MRPS9: variants seen among roughly 807,000 people sequenced by gnomAD.
The protein encoded by MRPS9 is small ribosomal subunit protein uS9m.
MRPS9 carries 45 observed loss-of-function variants against 59.9 expected under a neutral mutation model. The ratio of observed to expected loss-of-function variants is 0.75; its 90% CI spans 0.59 to 0.96. The LOEUF (loss-of-function observed/expected upper bound fraction) is 0.96, where lower values mean the gene tolerates loss of function less well. Among genes scored for constraint, MRPS9 ranks in the 40% least tolerant of loss-of-function variants. MRPS9 has a pLI of 0.00. For synonymous variants in MRPS9, 171 were observed against 166.8 expected (o/e 1.03, Z -0.19); for missense variants, 473 against 481.1 (o/e 0.98, Z 0.16).
At chr2:105,097,777 T>C (rs2104473051) in intron 10 of MRPS9, among the ~76,000 whole-genome samples, 1 of 152,350 alleles carries the variant, frequency 6.6e-6, no homozygotes, top group Admixed American at 6.5e-5. Flanking sequence ...CATAGCTAGC[T>C]GCAGCCTTAA....
At chr2:105,046,957 C>G (rs2104439655) in intron 1 of MRPS9, among the ~76,000 whole-genome samples, 1 of 151,988 alleles carries the variant, frequency 6.6e-6, no homozygotes, top group South Asian at 2.1e-4. Flanking sequence ...GCAACATTCT[C>G]CATTGCCCAA....
chr2:105,048,998 A>C (rs1486256242), intron 1 of MRPS9, among the ~76,000 whole-genome samples, 173 bp from the exon 2 acceptor site: 1 of 151,950 alleles, frequency 6.6e-6, no homozygotes, highest in African/African-American at 2.4e-5. Context: ...TAGGGGACAC[A>C]TTCTAACAAC....
intron 8 of MRPS9, among the ~76,000 whole-genome samples, chr2:105,093,080 G>T (rs1014242860): frequency 6.6e-6 from 1 of 152,022 alleles, no homozygotes; most frequent in African/African-American, 2.4e-5. Context: ...TTTAACTACT[G>T]TGGTGTTTTC....
At chr2:105,068,641 T>A (rs1199583965) in intron 2 of MRPS9, among the ~76,000 whole-genome samples, 1 of 152,228 alleles carries the variant, frequency 6.6e-6, no homozygotes, top group African/African-American at 2.4e-5. Context: ...TTTATTGGTT[T>A]CTACTTAACA....
At chr2:105,085,435 A>T (rs1680428434) in intron 5 of MRPS9, among the ~76,000 whole-genome samples, 1 of 152,164 alleles carries the variant, frequency 6.6e-6, no homozygotes, top group Admixed American at 6.5e-5. Context: ...TTGTGTACCA[A>T]AATACAATAG....
intron 2 of MRPS9, among the ~76,000 whole-genome samples, chr2:105,061,482 T>A (rs1377956415): frequency 6.6e-6 from 1 of 152,146 alleles, no homozygotes; most frequent in African/African-American, 2.4e-5. Context: ...GAGACAGCAG[T>A]AACTTCAGCA....
rs555561138 is a variant in MRPS9, at chr2:105,049,089, A to G, written c.136-82A>G. 4 of 939,808 alleles carry G rather than the reference A, an allele frequency of 4.3e-6. No individual in the cohort carries two copies. The Admixed American group carries it at 7.8e-5, about 18-fold the overall frequency. 58.2% of individuals were successfully genotyped at this position (939,808 alleles called of 1,614,324 possible). A position where few individuals can be genotyped will look rare whatever the true frequency, so the allele number is the denominator to read the frequency against. ...AATAAAAAAAGATAACTACTTGCAT[A>G]TACTATTTTATTTAAGGACAATGGC... On this transcript the variant is annotated intron_variant, in intron 1 of 10. Coordinates refer to ENST00000258455, the MANE Select transcript of MRPS9 (RefSeq NM_182640.3).
Position 105,093,628 on chromosome 2 carries a change from A to G in MRPS9, c.919A>G (p.Thr307Ala). 6.3e-7 allele frequency: 1 copy of G among 1,592,382 alleles called. No homozygotes were observed. Residue 307 changes from threonine to alanine, a missense_variant, in exon 9 of 11, where the codon ACA (threonine) becomes GCA (alanine). Physicochemically the swap from Thr to Ala is moderately conservative, Grantham distance 58 (BLOSUM62 0). Coordinates refer to ENST00000258455, the MANE Select transcript of MRPS9 (RefSeq NM_182640.3). Reference sequence around the variant, plus strand: ...TGATTACCAGCTTTACTTCCCGATCACACAGGACAGGTTCGTTTTGGGTTC... The same window carrying G: ...TGATTACCAGCTTTACTTCCCGATCGCACAGGACAGGTTCGTTTTGGGTTC... Reference protein sequence around the residue: ...GIDYQLYFPITQDREQLMFPF... With the variant: ...GIDYQLYFPIAQDREQLMFPF...
chr2:105,045,627 A>G (rs913152112), intron 1 of MRPS9, among the ~76,000 whole-genome samples: 1 of 152,196 alleles, frequency 6.6e-6, no homozygotes, highest in African/African-American at 2.4e-5. Context: ...AAAATATTAC[A>G]TAGGAGTAGA....
chr2:105,078,216 A>C (rs1036698926), intron 4 of MRPS9, among the ~76,000 whole-genome samples: 1 of 150,532 alleles, frequency 6.6e-6, no homozygotes, highest in Non-Finnish European at 1.5e-5. Context: ...ACTATGATAC[A>C]TATCATGGTT....
chr2:105,091,511 C>A (rs539085115), intron 7 of MRPS9: 4 of 344,024 alleles, frequency 1.2e-5, no homozygotes, highest in East Asian at 1.6e-4. Flanking sequence ...CAAAGTAGTT[C>A]TTTTAATATT....
At chr2:105,052,608 A>T (rs1679732504) in intron 2 of MRPS9, among the ~76,000 whole-genome samples, 1 of 151,946 alleles carries the variant, frequency 6.6e-6, no homozygotes, top group African/African-American at 2.4e-5. Flanking sequence ...TCTGGTTTTG[A>T]TATTGGTAAT....
At chr2:105,061,441 C>T (rs73945022) in intron 2 of MRPS9, among the ~76,000 whole-genome samples, 33,565 of 152,016 alleles carry the variant, frequency 0.22, 3,771 homozygotes, top group Middle Eastern at 0.35. Flanking sequence ...GGTGAGCTTC[C>T]TCATACCTGC....
chr2:105,047,242 G>C (rs1441208518), intron 1 of MRPS9, among the ~76,000 whole-genome samples: 1 of 151,962 alleles, frequency 6.6e-6, no homozygotes, highest in Non-Finnish European at 1.5e-5. Flanking sequence ...AGAAGGATGT[G>C]ATCTCCTAAG....
intron 4 of MRPS9, among the ~76,000 whole-genome samples, chr2:105,074,718 C>A (rs910305020): frequency 2.4e-4 from 37 of 152,286 alleles, no homozygotes; most frequent in South Asian, 1.4e-3. Context: ...GGCACACACA[C>A]ATATGTATGA....
At chr2:105,056,484 G>A (rs1456524283) in intron 2 of MRPS9, among the ~76,000 whole-genome samples, 2 of 152,058 alleles carry the variant, frequency 1.3e-5, no homozygotes, top group Non-Finnish European at 2.9e-5. Context: ...TTATGTCTAC[G>A]TGTCTGCCTC....
intron 7 of MRPS9, among the ~76,000 whole-genome samples, chr2:105,090,560 T>C (rs1277786122): frequency 6.6e-6 from 1 of 152,232 alleles, no homozygotes; most frequent in Non-Finnish European, 1.5e-5. Flanking sequence ...TCTAGGGAGT[T>C]ACCGAGGAAT....
chr2:105,069,435 G>A (rs1021695499), intron 2 of MRPS9, among the ~76,000 whole-genome samples: 45 of 151,972 alleles, frequency 3.0e-4, no homozygotes, highest in Non-Finnish European at 2.2e-4. Context: ...GTCTGGTCTC[G>A]AACTCCTGAC....
intron 7 of MRPS9, among the ~76,000 whole-genome samples, chr2:105,091,628 CATAA>C (rs1307016559): frequency 6.6e-6 from 1 of 152,068 alleles, no homozygotes; most frequent in Non-Finnish European, 1.5e-5. Flanking sequence ...CGACAAAAAA[CATAA>C]ATAAGGTTAT....
Sources: allele counts gnomAD v4.1 joint callset (sites outside exome capture counted in the v4.1 genomes callset), GRCh38; gene constraint gnomAD v4.1.1; transcripts MANE v1.5; gene names NCBI Gene and HGNC (gene_info 2026-07-23, HGNC 2026-07-21).